KALRN: variants seen among roughly 807,000 people sequenced by gnomAD.
The protein encoded by KALRN is kalirin RhoGEF kinase, also known as kalirin.
A neutral mutation model predicts 353.7 loss-of-function variants in KALRN; 70 were observed. That is an observed-to-expected ratio of 0.20 (90% CI 0.16 to 0.24). The LOEUF (loss-of-function observed/expected upper bound fraction) is 0.24, where lower values mean the gene tolerates loss of function less well. KALRN is among the 10% of genes least tolerant of loss of function. The probability of loss-of-function intolerance (pLI) is 1.00; values close to 1 mark genes in which losing one functional copy is unlikely to be tolerated. For missense variants in KALRN, 2,791 were observed against 3,756.7 expected (o/e 0.74, Z 6.72); for synonymous variants, 1,391 against 1,434.8 (o/e 0.97, Z 0.69).
At chr3:124,368,622 C>T (rs1188060123) in intron 10 of KALRN, among the ~76,000 whole-genome samples, 2 of 147,918 alleles carry the variant, frequency 1.4e-5, no homozygotes, top group Admixed American at 6.7e-5. Flanking sequence ...AGACGATGGG[C>T]GGCCAGGCAG....
intron 25 of KALRN, among the ~76,000 whole-genome samples, chr3:124,474,434 C>T (rs1293858004): frequency 7.2e-6 from 1 of 138,218 alleles, no homozygotes; most frequent in Admixed American, 7.6e-5. Flanking sequence ...TAGAAGTGTT[C>T]ACTCCGAGAG....
chr3:124,656,537 G>A (rs1333413700), intron 39 of KALRN, among the ~76,000 whole-genome samples: 1 of 152,182 alleles, frequency 6.6e-6, no homozygotes, highest in Admixed American at 6.5e-5. Context: ...CGTGAACCTG[G>A]GAGGCGGAGC....
intron 49 of KALRN, chr3:124,677,259 C>T (rs1281039213): frequency 1.1e-5 from 2 of 182,048 alleles, no homozygotes; most frequent in East Asian, 1.7e-4. Flanking sequence ...TGTGACCTCA[C>T]CTGAAACTGA....
chr3:124,186,073 C>CT (rs916901535), intron 1 of KALRN, among the ~76,000 whole-genome samples: 21 of 152,276 alleles, frequency 1.4e-4, no homozygotes, highest in Admixed American at 1.0e-3. Context: ...CAGGGCCCAG[C>CT]TTTTTTACCA....
chr3:124,474,485 A>G (rs894036061), intron 25 of KALRN, among the ~76,000 whole-genome samples, 178 bp from the exon 26 acceptor site: 1 of 152,246 alleles, frequency 6.6e-6, no homozygotes, highest in African/African-American at 2.4e-5. Context: ...ATCAATTAAC[A>G]TACATTTTAA....
intron 51 of KALRN, among the ~76,000 whole-genome samples, chr3:124,689,642 C>T (rs1204268263): frequency 6.6e-6 from 1 of 152,174 alleles, no homozygotes; most frequent in Non-Finnish European, 1.5e-5. Flanking sequence ...GGATCCTGCA[C>T]ACACCAGCAA....
At chr3:124,439,198 T>TCACACACACACACACACACA (rs1220555173) in intron 18 of KALRN, among the ~76,000 whole-genome samples, 161 bp downstream of exon 18, 95 of 125,504 alleles carry the variant, frequency 7.6e-4, no homozygotes, top group African/African-American at 3.0e-3. Flanking sequence ...TCTCTCTCTC[T>TCACACACACACACACACACA]CTCACACACA....
rs181544513 is a variant in KALRN at position 124,179,341 on chromosome 3, G to A, written c.74-48649G>A. On this transcript the variant is annotated intron_variant, in intron 1 of 59. Transcript: ENST00000682506. The stretch of plus-strand genomic sequence containing the variant: ...AAACATATTAGCCTAGGCCTACACA[G>A]GGTCAGAATCATCAATATCACTGTC... Among the ~76,000 whole-genome samples the A allele has an allele frequency of 6.8e-4, 104 of 152,066 alleles. No individual in the cohort carries two copies. The South Asian group carries it at 0.014, about 20-fold the overall frequency.
chr3:124,294,846 T>G (rs1290695231), intron 5 of KALRN, among the ~76,000 whole-genome samples: 1 of 152,188 alleles, frequency 6.6e-6, no homozygotes, highest in African/African-American at 2.4e-5. Flanking sequence ...TCTATACATT[T>G]CCAAATTGTG....
intron 34 of KALRN, among the ~76,000 whole-genome samples, chr3:124,570,935 AC>A (rs2073446130): frequency 6.6e-6 from 1 of 152,194 alleles, no homozygotes; most frequent in South Asian, 2.1e-4. Context: ...GCTAAGCATT[AC>A]TTGAGCACTT....
intron 58 of KALRN, among the ~76,000 whole-genome samples, chr3:124,714,567 C>G (rs1264256456): frequency 6.6e-6 from 1 of 152,146 alleles, no homozygotes; most frequent in African/African-American, 2.4e-5. Context: ...AGAGATGTTG[C>G]AGGGATTAAG....
At chr3:124,339,137 T>C (rs1346734747) in intron 9 of KALRN, among the ~76,000 whole-genome samples, 2 of 152,130 alleles carry the variant, frequency 1.3e-5, no homozygotes, top group African/African-American at 4.8e-5. Context: ...TGTTAAAAAG[T>C]ATAGTGCCTC....
intron 33 of KALRN, among the ~76,000 whole-genome samples, chr3:124,557,766 G>C (rs1453366494): frequency 6.6e-6 from 1 of 152,186 alleles, no homozygotes; most frequent in South Asian, 2.1e-4. Flanking sequence ...GGACTTATCT[G>C]ATGGGCGCTC....
intron 1 of KALRN, among the ~76,000 whole-genome samples, chr3:124,141,296 A>G (rs2066592546): frequency 6.6e-6 from 1 of 152,162 alleles, no homozygotes; most frequent in Non-Finnish European, 1.5e-5. Flanking sequence ...CCCTGGTCGA[A>G]GATTAGAATC....
At chr3:124,596,340 G>A (rs71323873) in intron 34 of KALRN, among the ~76,000 whole-genome samples, 23,524 of 151,978 alleles carry the variant, frequency 0.15, 1,957 homozygotes, top group Middle Eastern at 0.19. Flanking sequence ...GGTGGTGGTC[G>A]CCTGTAATCA....
intron 10 of KALRN, among the ~76,000 whole-genome samples, chr3:124,378,663 G>T (rs141520995): frequency 0.016 from 2,329 of 143,402 alleles, 37 homozygotes; most frequent in African/African-American, 0.046. Context: ...ACTTGTGCTG[G>T]GCACAGAATT....
intron 37 of KALRN, among the ~76,000 whole-genome samples, chr3:124,642,821 T>TTTTTTTGTTTTTTG (rs2082243192): frequency 2.1e-5 from 3 of 142,938 alleles, no homozygotes; most frequent in South Asian, 2.3e-4. Flanking sequence ...TTTTTTTTTT[T>TTTTTTTGTTTTTTG]TTTTTGAGAC....
Position 124,519,724 on chromosome 3 carries a change from T to C in KALRN, c.4935+23311T>C, listed in dbSNP as rs377086704. 1.7e-5 allele frequency: 17 copies of C among 985,448 alleles called. No individual in the cohort carries two copies. In the East Asian group the frequency reaches 1.1e-3, roughly 66 times the overall value. The allele number at this position is 985,448 out of a possible 1,614,324, so 61.0% of individuals were successfully genotyped here. ...TTGCACCTGGCTCAGGAAAGGACTG[T>C]CTTTGTACTTGAATTTAAATCCAAT... is the stretch of plus-strand genomic sequence containing the variant. On this transcript the variant is annotated intron_variant, in intron 33 of 59. Coordinates refer to ENST00000682506, the MANE Select transcript of KALRN (RefSeq NM_001388419.1).
chr3:124,036,915 C>T (rs1202979532), intron 1 of KALRN, among the ~76,000 whole-genome samples: 2 of 152,354 alleles, frequency 1.3e-5, no homozygotes, highest in East Asian at 3.9e-4. Context: ...AATCTCACTT[C>T]CCTGTGTGCA....
Sources: allele counts gnomAD v4.1 joint callset (sites outside exome capture counted in the v4.1 genomes callset), GRCh38; gene constraint gnomAD v4.1.1; transcripts MANE v1.5; gene names NCBI Gene and HGNC (gene_info 2026-07-23, HGNC 2026-07-21).